The following BZW2 variants were observed in gnomAD, a reference collection of about 807,000 sequenced individuals.
BZW2 encodes the protein eIF5-mimic protein 1.
BZW2 carries 23 observed loss-of-function variants against 53.2 expected under a neutral mutation model. The observed-to-expected ratio is 0.43, with a 90% confidence interval of 0.31 to 0.61. BZW2 has a LOEUF of 0.61. Among genes scored for constraint, BZW2 ranks in the 20% least tolerant of loss-of-function variants. BZW2 has a pLI of 0.09. For missense variants in BZW2, 409 were observed against 503.1 expected (o/e 0.81, Z 1.79); for synonymous variants, 227 against 186.4 (o/e 1.22, Z -1.77).
chr7:16,651,852 A>G (rs1235392229), intron 1 of BZW2, among the ~76,000 whole-genome samples: 2 of 152,232 alleles, frequency 1.3e-5, no homozygotes, highest in African/African-American at 2.4e-5. Flanking sequence ...CAATTTATCC[A>G]AGTGCTGAAC....
chr7:16,681,960 A>G (rs1045267691), intron 4 of BZW2, among the ~76,000 whole-genome samples: 1 of 152,210 alleles, frequency 6.6e-6, no homozygotes, highest in Non-Finnish European at 1.5e-5. Context: ...TGTAAGTATT[A>G]GTGTAAGTTG....
At chr7:16,696,846 G>A in intron 8 of BZW2, 69 bp from the exon 9 acceptor site, 2 of 1,528,850 alleles carry the variant, frequency 1.3e-6, no homozygotes, top group Non-Finnish European at 1.8e-6. Context: ...GATTGACTGG[G>A]CAGCTAGCGG....
At chr7:16,677,139 C>T (rs561159323) in intron 3 of BZW2, among the ~76,000 whole-genome samples, 35 of 151,498 alleles carry the variant, frequency 2.3e-4, no homozygotes, top group Non-Finnish European at 4.0e-4. Flanking sequence ...AGAGGGTAGC[C>T]ATTGCTGGCT....
intron 3 of BZW2, 137 bp downstream of exon 3, chr7:16,674,725 T>A (rs1356284582): frequency 1.3e-6 from 1 of 796,602 alleles, no homozygotes; most frequent in East Asian, 3.0e-5. Context: ...CCTATAATTT[T>A]ACCTGGTTTA....
intron 1 of BZW2, among the ~76,000 whole-genome samples, chr7:16,651,768 G>A (rs1781988547): frequency 6.6e-6 from 1 of 152,068 alleles, no homozygotes. Context: ...AAAGATAAAT[G>A]CCTTTTCCCC....
At chr7:16,670,264 G>C (rs576424458) in intron 2 of BZW2, among the ~76,000 whole-genome samples, 1 of 152,148 alleles carries the variant, frequency 6.6e-6, no homozygotes, top group Admixed American at 6.5e-5. Flanking sequence ...CTGTTTGCTG[G>C]TAATTCTTTT....
At chr7:16,665,400 A>G in intron 1 of BZW2, 37 bp from the exon 2 acceptor site, 2 of 1,613,144 alleles carry the variant, frequency 1.2e-6, no homozygotes, top group Non-Finnish European at 1.7e-6. Context: ...TAAACTGCTT[A>G]TCTGAAATAC....
intron 7 of BZW2, among the ~76,000 whole-genome samples, chr7:16,690,234 GCT>G (rs1311728181): frequency 6.6e-6 from 1 of 151,378 alleles, no homozygotes; most frequent in African/African-American, 2.4e-5. Flanking sequence ...ACAGAGTCTG[GCT>G]CTGTCACCCA....
intron 3 of BZW2, among the ~76,000 whole-genome samples, chr7:16,675,786 A>C (rs1281206209): frequency 6.6e-6 from 1 of 152,218 alleles, no homozygotes; most frequent in East Asian, 1.9e-4. Context: ...CCCTTCTGGA[A>C]ATCTCTTTAG....
chr7:16,697,963 C>G (rs1269723595), intron 9 of BZW2, 85 bp from the exon 10 acceptor site: 3 of 1,521,224 alleles, frequency 2.0e-6, no homozygotes, highest in Non-Finnish European at 2.7e-6. Context: ...CTAAGCAACC[C>G]TCCAGGTTAC....
chr7:16,699,567 T>C (rs1310276965), intron 10 of BZW2, among the ~76,000 whole-genome samples: 5 of 152,232 alleles, frequency 3.3e-5, no homozygotes, highest in Non-Finnish European at 7.3e-5. Context: ...GAACATAGTT[T>C]GCTTTCTTGT....
chr7:16,665,940 C>A (rs1365962294), intron 2 of BZW2, among the ~76,000 whole-genome samples: 1 of 152,068 alleles, frequency 6.6e-6, no homozygotes, highest in Non-Finnish European at 1.5e-5. Flanking sequence ...AAATCTACTG[C>A]CCTAAATTCC....
chr7:16,687,436 G>A (rs1783160836), intron 6 of BZW2: 1 of 152,170 alleles, frequency 6.6e-6, no homozygotes, highest in Admixed American at 6.5e-5. Context: ...TTAAGAAAAT[G>A]CTGGGTATGG....
At chr7:16,703,942 A>G (rs971548036) in intron 10 of BZW2, among the ~76,000 whole-genome samples, 1 of 152,176 alleles carries the variant, frequency 6.6e-6, no homozygotes, top group Non-Finnish European at 1.5e-5. Flanking sequence ...TTTGGGATAT[A>G]CTGTGGGAAA....
intron 10 of BZW2, among the ~76,000 whole-genome samples, chr7:16,701,330 CT>C (rs1783660730): frequency 6.6e-6 from 1 of 152,058 alleles, no homozygotes; most frequent in Non-Finnish European, 1.5e-5. Context: ...GTAAAACTAC[CT>C]TGTCAAGTAC....
At chr7:16,665,924 CAAAAT>C (rs1419871904) in intron 2 of BZW2, among the ~76,000 whole-genome samples, 2 of 152,036 alleles carry the variant, frequency 1.3e-5, no homozygotes, top group Non-Finnish European at 2.9e-5. Context: ...ATGAAGAAGT[CAAAAT>C]AAATCTACTG....
intron 11 of BZW2, among the ~76,000 whole-genome samples, chr7:16,705,184 C>T (rs950264862): frequency 6.6e-6 from 1 of 151,656 alleles, no homozygotes; most frequent in African/African-American, 2.4e-5. Flanking sequence ...TAGTGAAACC[C>T]TGTCTCTATT....
intron 10 of BZW2, among the ~76,000 whole-genome samples, 156 bp from the exon 11 acceptor site, chr7:16,704,391 A>G (rs574244527): frequency 1.3e-5 from 2 of 152,348 alleles, no homozygotes; most frequent in East Asian, 1.9e-4. Context: ...ATATGGCACT[A>G]TGCTACATGA....
rs201454927 is a variant in BZW2, at chr7:16,693,611, TACACAGTTA to T, written c.652-1222_652-1214del. 4.3e-3 allele frequency among the ~76,000 whole-genome samples: 661 copies of T among 152,306 alleles called. 5 individuals carry two copies. The highest frequency in any genetic ancestry group is 0.015 in the African/African-American group (622 of 41,546). On this transcript the variant is annotated intron_variant, in intron 7 of 11. Transcript: ENST00000258761. ...TTACCGTCTAGAAAAATGTCTGCTT[TACACAGTTA>T]TTATGAGGAAAGTGCCAGTACATTT...
Sources: allele counts gnomAD v4.1 joint callset (sites outside exome capture counted in the v4.1 genomes callset), GRCh38; gene constraint gnomAD v4.1.1; transcripts MANE v1.5; gene names NCBI Gene and HGNC (gene_info 2026-07-23, HGNC 2026-07-21).